SDK1: variants seen among roughly 807,000 people sequenced by gnomAD.
SDK1 encodes sidekick cell adhesion molecule 1.
SDK1 carries 157 observed loss-of-function variants against 245.5 expected under a neutral mutation model. The observed-to-expected ratio is 0.64, with a 90% CI of 0.56 to 0.73. The LOEUF (loss-of-function observed/expected upper bound fraction) is 0.73, where lower values mean the gene tolerates loss of function less well. Among genes scored for constraint, SDK1 ranks in the 30% least tolerant of loss-of-function variants. The pLI is 0.00. For synonymous variants in SDK1, 1,647 were observed against 1,278.5 expected, an observed-to-expected ratio of 1.29 and a Z score of -6.15; for missense variants, 3,583 against 3,002.3, an observed-to-expected ratio of 1.19 and a Z score of -4.52.
intron 1 of SDK1, among the ~76,000 whole-genome samples, chr7:3,618,037 T>C (rs535135822): frequency 5.8e-4 from 88 of 152,126 alleles, no homozygotes; most frequent in African/African-American, 2.0e-3. Context: ...AAATGACGAG[T>C]CATATAATCC....
At chr7:4,139,880 C>T (rs958872299) in intron 28 of SDK1, among the ~76,000 whole-genome samples, 3 of 152,194 alleles carry the variant, frequency 2.0e-5, no homozygotes, top group South Asian at 2.1e-4. Flanking sequence ...GTGGAGCCCT[C>T]GGGACTCAGG....
chr7:3,622,026 ATAT>A (rs1781957752), intron 2 of SDK1, among the ~76,000 whole-genome samples: 1 of 152,280 alleles, frequency 6.6e-6, no homozygotes, highest in East Asian at 1.9e-4. Flanking sequence ...TTGTAGGCTG[ATAT>A]TAGTGTTCGG....
At chr7:4,074,483 G>T (rs74989933) in intron 20 of SDK1, among the ~76,000 whole-genome samples, 2,361 of 152,262 alleles carry the variant, frequency 0.016, 28 homozygotes, top group Non-Finnish European at 0.026. Flanking sequence ...GGTGTGTTGT[G>T]AGGGTTACAT....
Position 4,221,741 on chromosome 7 carries a change from G to T in SDK1, c.5827+377G>T, listed in dbSNP as rs753979078. ...GTTCTAAATGTTTGCTGCCGAGATGGAAAACGTCAGGCTTGTTTCTGATAA... is the reference window on the plus strand; with the variant it reads ...GTTCTAAATGTTTGCTGCCGAGATGTAAAACGTCAGGCTTGTTTCTGATAA... On this transcript the variant is annotated intron_variant, in intron 40 of 44. Coordinates refer to ENST00000404826, the MANE Select transcript of SDK1 (RefSeq NM_152744.4). Among the ~76,000 whole-genome samples the T allele has an allele frequency of 3.1e-4, 47 of 152,294 alleles. No homozygotes were observed. The Middle Eastern group carries it at 0.017, about 55-fold the overall frequency.
chr7:3,939,572 G>A (rs918390210), intron 5 of SDK1, among the ~76,000 whole-genome samples: 7 of 152,186 alleles, frequency 4.6e-5, no homozygotes, highest in African/African-American at 1.4e-4. Flanking sequence ...ACCTCTTGGT[G>A]GGCTGGGGAT....
intron 4 of SDK1, among the ~76,000 whole-genome samples, chr7:3,804,853 T>G (rs1779200269): frequency 6.6e-6 from 1 of 152,224 alleles, no homozygotes; most frequent in African/African-American, 2.4e-5. Context: ...CACGTGTTCA[T>G]TGCTATTATA....
intron 1 of SDK1, among the ~76,000 whole-genome samples, chr7:3,611,914 G>T (rs1036200681): frequency 6.6e-6 from 1 of 152,134 alleles, no homozygotes; most frequent in African/African-American, 2.4e-5. Context: ...ATACTATTCA[G>T]CTCTGAAAAG....
intron 7 of SDK1, 80 bp from the exon 8 acceptor site, chr7:3,958,851 G>T (rs1781458251): frequency 5.5e-6 from 6 of 1,081,828 alleles, no homozygotes; most frequent in South Asian, 1.3e-5. Flanking sequence ...TTTAAGAGGA[G>T]CCCACACTAT....
chr7:3,928,216 G>A (rs1209263493), intron 5 of SDK1, among the ~76,000 whole-genome samples: 1 of 152,048 alleles, frequency 6.6e-6, no homozygotes, highest in Non-Finnish European at 1.5e-5. Flanking sequence ...GAACCATCAG[G>A]CCTGCCAAGC....
At chr7:3,547,538 G>A (rs1357483101) in intron 1 of SDK1, among the ~76,000 whole-genome samples, 1 of 152,146 alleles carries the variant, frequency 6.6e-6, no homozygotes, top group Non-Finnish European at 1.5e-5. Flanking sequence ...TAACAGGCCA[G>A]TTACCACTGT....
intron 5 of SDK1, among the ~76,000 whole-genome samples, chr7:3,857,942 A>G (rs1025779621): frequency 2.6e-5 from 4 of 152,202 alleles, no homozygotes; most frequent in African/African-American, 7.2e-5. Context: ...CGATTTTTAA[A>G]AGGAACAAAT....
chr7:4,197,489 G>GA lies in SDK1; in HGVS notation c.5099-8381dup, dbSNP rs112956360. ...GGAAACAGAGCAAGACCCCATCTCA[G>GA]AAAAAAAAAGTTATTTGAAAACATT... On this transcript the variant is annotated intron_variant, in intron 35 of 44. Coordinates refer to ENST00000404826, the MANE Select transcript of SDK1 (RefSeq NM_152744.4). 5.4e-4 allele frequency among the ~76,000 whole-genome samples: 82 copies of GA among 151,450 alleles called. 1 individual carries two copies. Among genetic ancestry groups the GA allele is most frequent in the Middle Eastern group, 3.4e-3 (1 of 294 alleles).
At chr7:4,102,132 A>G (rs550143278) in intron 22 of SDK1, among the ~76,000 whole-genome samples, 1 of 152,310 alleles carries the variant, frequency 6.6e-6, no homozygotes, top group East Asian at 1.9e-4. Flanking sequence ...TAAACGCAGC[A>G]CAGCGTCGAG....
chr7:3,601,541 C>T (rs958270866), intron 1 of SDK1, among the ~76,000 whole-genome samples: 1 of 151,768 alleles, frequency 6.6e-6, no homozygotes, highest in African/African-American at 2.4e-5. Flanking sequence ...TTAATGACTT[C>T]AATATCTGCA....
chr7:3,520,648 C>G (rs1410838414), intron 1 of SDK1, among the ~76,000 whole-genome samples: 1 of 140,700 alleles, frequency 7.1e-6, no homozygotes, highest in Non-Finnish European at 1.5e-5. Context: ...ATGGTAATCT[C>G]TGCAATCTTC....
intron 4 of SDK1, among the ~76,000 whole-genome samples, chr7:3,806,294 CCACATTAGGATGTGGAT>C (rs1779242776): frequency 1.5e-5 from 2 of 129,158 alleles, no homozygotes; most frequent in Non-Finnish European, 3.3e-5. Flanking sequence ...ATGTGGATGT[CCACATTAGGATGTGGAT>C]GTCCACATTA....
At chr7:4,018,179 C>T (rs554385447) in intron 17 of SDK1, among the ~76,000 whole-genome samples, 3 of 152,306 alleles carry the variant, frequency 2.0e-5, no homozygotes, top group African/African-American at 4.8e-5. Context: ...TTTCACTCTG[C>T]GATTTATGCC....
chr7:3,598,448 T>C (rs1295988921), intron 1 of SDK1, among the ~76,000 whole-genome samples: 1 of 152,210 alleles, frequency 6.6e-6, no homozygotes, highest in Non-Finnish European at 1.5e-5. Flanking sequence ...TTAGAAGTAA[T>C]ACACAGAGAT....
intron 44 of SDK1, among the ~76,000 whole-genome samples, chr7:4,248,191 C>G (rs1787022676): frequency 6.6e-6 from 1 of 152,086 alleles, no homozygotes; most frequent in Non-Finnish European, 1.5e-5. Flanking sequence ...CACACATGTG[C>G]ACGGACACAT....
Sources: allele counts gnomAD v4.1 joint callset (sites outside exome capture counted in the v4.1 genomes callset), GRCh38; gene constraint gnomAD v4.1.1; transcripts MANE v1.5; gene names NCBI Gene and HGNC (gene_info 2026-07-23, HGNC 2026-07-21).